The following KIF11 variants were observed in gnomAD, a reference collection of about 807,000 sequenced individuals.
The protein encoded by KIF11 is kinesin-like protein KIF11.
A neutral mutation model predicts 121.0 loss-of-function variants in KIF11; 9 were observed. The ratio of observed to expected loss-of-function variants is 0.07; its 90% CI spans 0.04 to 0.13. The LOEUF is 0.13. Among genes scored for constraint, KIF11 ranks in the 10% least tolerant of loss-of-function variants. The pLI is 1.00. For synonymous variants in KIF11, 408 were observed against 421.0 expected (o/e 0.97, Z 0.38); for missense variants, 846 against 1,217.5 (o/e 0.69, Z 4.54).
chr10:92,602,833 T>TAC (rs770378243), intron 1 of KIF11, among the ~76,000 whole-genome samples: 14 of 119,022 alleles, frequency 1.2e-4, no homozygotes, highest in African/African-American at 6.1e-4. Flanking sequence ...CACGTGTGTG[T>TAC]GTGTGTGTGT....
intron 4 of KIF11, among the ~76,000 whole-genome samples, chr10:92,607,836 G>T (rs1322659603): frequency 6.6e-6 from 1 of 152,070 alleles, no homozygotes; most frequent in Non-Finnish European, 1.5e-5. Context: ...ATTTAGTAAT[G>T]TGTTTAAATT....
chr10:92,594,968 C>T (rs1407346699), intron 1 of KIF11, among the ~76,000 whole-genome samples: 1 of 151,906 alleles, frequency 6.6e-6, no homozygotes. Context: ...TTATGAGTTG[C>T]GAGGTCCTCA....
intron 9 of KIF11, among the ~76,000 whole-genome samples, chr10:92,619,988 C>G (rs909304211): frequency 1.7e-4 from 26 of 151,160 alleles, no homozygotes; most frequent in African/African-American, 6.3e-4. Flanking sequence ...TGATTAAATT[C>G]AAGTTTTGTC....
At position 92,613,922 on chromosome 10, in the gene KIF11, G is replaced by A. The variant is rs189319598; in HGVS notation, c.1032+303G>A. Among the ~76,000 whole-genome samples the A allele has an allele frequency of 1.8e-3, 276 of 150,754 alleles. 1 individual carries two copies. Among genetic ancestry groups the A allele is most frequent in the African/African-American group, 6.3e-3 (258 of 40,996 alleles). ...GCCTGGGAGGCAGAAGTTGCATTAA[G>A]CTGAGATCATGCAACTACACTCCAG... On this transcript the variant is annotated intron_variant, in intron 8 of 21. Transcript: ENST00000260731. The surrounding 1 kb of genome is among the most constrained non-coding windows in gnomAD (Gnocchi z 4.2).
chr10:92,603,471 G>A (rs969604000), intron 1 of KIF11, among the ~76,000 whole-genome samples: 8 of 151,202 alleles, frequency 5.3e-5, no homozygotes, highest in Admixed American at 2.0e-4. Context: ...GCACAGTCTC[G>A]GCTCACTGCA....
rs1342283150 is a variant in KIF11, at chr10:92,603,322, G to A, written c.78-2943G>A. 2.8e-5 allele frequency among the ~76,000 whole-genome samples: 4 copies of A among 140,626 alleles called. No homozygotes were observed. In the East Asian group the frequency reaches 8.4e-4, roughly 30 times the overall value. The allele number at this position is 140,626 out of a possible 152,430, so 92.3% of individuals were successfully genotyped here. On this transcript the variant is annotated intron_variant, in intron 1 of 21. Coordinates refer to ENST00000260731, the MANE Select transcript of KIF11 (RefSeq NM_004523.4). ...CTCTGTTGCCCAGGCCTGGAGTGCA[G>A]TGGCGCATTCTTGGCTCACCGCAAC...
At chr10:92,640,455 G>A (rs1227499125) in intron 17 of KIF11, among the ~76,000 whole-genome samples, 1 of 152,092 alleles carries the variant, frequency 6.6e-6, no homozygotes, top group Non-Finnish European at 1.5e-5. Context: ...TTTTTGCGAC[G>A]GAGTCTTGCT....
intron 1 of KIF11, among the ~76,000 whole-genome samples, chr10:92,601,263 C>G (rs886850792): frequency 6.6e-6 from 1 of 151,852 alleles, no homozygotes; most frequent in Non-Finnish European, 1.5e-5. Flanking sequence ...TGCAGTGGTG[C>G]AATCTCTGCT....
intron 9 of KIF11, among the ~76,000 whole-genome samples, chr10:92,617,043 C>T (rs1049516598): frequency 6.6e-6 from 1 of 152,148 alleles, no homozygotes; most frequent in South Asian, 2.1e-4. Context: ...TGAGTTGGTA[C>T]TCTTAGCAAA....
intron 12 of KIF11, 71 bp from the exon 13 acceptor site, chr10:92,632,415 T>C: frequency 1.0e-6 from 1 of 997,454 alleles, no homozygotes; most frequent in Non-Finnish European, 1.6e-6. Flanking sequence ...AGATAAATCC[T>C]TGTGTAGATA....
At chr10:92,642,933 A>G (rs1316747325) in intron 17 of KIF11, among the ~76,000 whole-genome samples, 2 of 152,218 alleles carry the variant, frequency 1.3e-5, no homozygotes, top group African/African-American at 4.8e-5. Context: ...TTTATTTGAG[A>G]CAGAGTCTTG....
At chr10:92,642,551 T>C (rs1051408416) in intron 17 of KIF11, among the ~76,000 whole-genome samples, 1 of 152,232 alleles carries the variant, frequency 6.6e-6, no homozygotes, top group Non-Finnish European at 1.5e-5. Context: ...GAGAGGAGTA[T>C]TGAAATCTCT....
chr10:92,598,139 T>C (rs1237049349), intron 1 of KIF11, among the ~76,000 whole-genome samples: 1 of 152,238 alleles, frequency 6.6e-6, no homozygotes, highest in African/African-American at 2.4e-5. Context: ...TTGTTCCCTG[T>C]ATCTTTGGTG....
chr10:92,653,893 A>G lies in KIF11; in HGVS notation c.*97A>G. Reference sequence around the variant, plus strand: ...CCTTGTGTATAGATTTTAAAAGAATATATATATCAGCCGGGCGCGGTGGCT... The same window carrying G: ...CCTTGTGTATAGATTTTAAAAGAATGTATATATCAGCCGGGCGCGGTGGCT... On this transcript the variant is annotated 3_prime_UTR_variant, in exon 22 of 22. Coordinates refer to ENST00000260731, the MANE Select transcript of KIF11 (RefSeq NM_004523.4). 1 of 1,141,600 alleles carries G rather than the reference A, an allele frequency of 8.8e-7. No homozygotes were observed. The allele number at this position is 1,141,600 out of a possible 1,614,324, so 70.7% of individuals were successfully genotyped here. A position where few individuals can be genotyped will look rare whatever the true frequency, so the allele number is the denominator to read the frequency against.
At chr10:92,632,407 A>T in intron 12 of KIF11, 79 bp from the exon 13 acceptor site, 1 of 954,634 alleles carries the variant, frequency 1.0e-6, no homozygotes, top group Non-Finnish European at 1.6e-6. Context: ...TCTTATCAAG[A>T]TAAATCCTTG....
At chr10:92,647,912 C>A (rs577644839) in intron 18 of KIF11, among the ~76,000 whole-genome samples, 1 of 151,962 alleles carries the variant, frequency 6.6e-6, no homozygotes, top group Non-Finnish European at 1.5e-5. Flanking sequence ...AGTTTGAGAC[C>A]AGCTTGGGCA....
chr10:92,628,227 G>C (rs1307411166), intron 10 of KIF11, among the ~76,000 whole-genome samples: 1 of 152,196 alleles, frequency 6.6e-6, no homozygotes, highest in African/African-American at 2.4e-5. Flanking sequence ...CTGCTCTAGA[G>C]AGTAATCCTT....
chr10:92,621,238 A>T (rs1225993008), intron 9 of KIF11, 147 bp from the exon 10 acceptor site: 3 of 457,072 alleles, frequency 6.6e-6, no homozygotes, highest in African/African-American at 4.0e-5. Flanking sequence ...AATATTGATT[A>T]AAAAGTATGG....
intron 17 of KIF11, among the ~76,000 whole-genome samples, chr10:92,642,513 TCTGC>T (rs1844876268): frequency 6.6e-6 from 1 of 152,238 alleles, no homozygotes; most frequent in East Asian, 1.9e-4. Context: ...TTACTGAGTT[TCTGC>T]CTATTTGTTC....
Sources: allele counts gnomAD v4.1 joint callset (sites outside exome capture counted in the v4.1 genomes callset), GRCh38; gene constraint gnomAD v4.1.1; non-coding constraint Gnocchi (gnomAD v3.1); transcripts MANE v1.5; gene names NCBI Gene and HGNC (gene_info 2026-07-23, HGNC 2026-07-21).